CNTN5: variants seen among roughly 807,000 people sequenced by gnomAD.
The protein encoded by CNTN5 is contactin 5.
CNTN5 carries 77 observed loss-of-function variants against 129.1 expected under a neutral mutation model. That is an observed-to-expected ratio of 0.60 (90% CI 0.50 to 0.72). The LOEUF is 0.72. Ranked by LOEUF, CNTN5 falls within the 30% of genes least tolerant of loss-of-function variation. The pLI, the probability that CNTN5 is intolerant of heterozygous loss-of-function variation, is 0.00. For missense variants in CNTN5, 1,478 were observed against 1,328.8 expected, an observed-to-expected ratio of 1.11 and a Z score of -1.75; for synonymous variants, 509 against 465.6, an observed-to-expected ratio of 1.09 and a Z score of -1.20.
intron 13 of CNTN5, among the ~76,000 whole-genome samples, chr11:100,128,124 A>G (rs1168634467): frequency 6.6e-6 from 1 of 152,040 alleles, no homozygotes; most frequent in Non-Finnish European, 1.5e-5. Context: ...CTTAGCCCCA[A>G]ACTCATATAT....
intron 2 of CNTN5, among the ~76,000 whole-genome samples, chr11:99,532,933 CCAATTGGGG>C (rs1947767668): frequency 6.6e-6 from 1 of 152,164 alleles, no homozygotes. Context: ...TCCTTAAATA[CCAATTGGGG>C]CTGGGCACGG....
intron 3 of CNTN5, among the ~76,000 whole-genome samples, chr11:99,702,973 A>T (rs879051209): frequency 6.6e-6 from 1 of 150,952 alleles, no homozygotes; most frequent in Admixed American, 6.6e-5. Flanking sequence ...TAAAATAAAG[A>T]TACTTCGATA....
At chr11:99,938,973 C>G (rs1426730263) in intron 7 of CNTN5, among the ~76,000 whole-genome samples, 2 of 152,034 alleles carry the variant, frequency 1.3e-5, no homozygotes, top group Non-Finnish European at 2.9e-5. Flanking sequence ...ATTATGAGGT[C>G]TTACAATTTA....
chr11:99,180,161 A>T (rs1203589950), intron 1 of CNTN5, among the ~76,000 whole-genome samples: 3 of 152,236 alleles, frequency 2.0e-5, no homozygotes, highest in Non-Finnish European at 4.4e-5. Context: ...TGTAATGAGC[A>T]AATGATATAA....
At chr11:99,273,266 G>T (rs1009505686) in intron 1 of CNTN5, among the ~76,000 whole-genome samples, 1 of 151,716 alleles carries the variant, frequency 6.6e-6, no homozygotes, top group African/African-American at 2.4e-5. Context: ...TCTCATTCAT[G>T]TACATTAACG....
At chr11:99,649,880 AT>A (rs1013928125) in intron 3 of CNTN5, among the ~76,000 whole-genome samples, 4 of 151,668 alleles carry the variant, frequency 2.6e-5, no homozygotes, top group African/African-American at 9.7e-5. Flanking sequence ...AATTGTTTGT[AT>A]TTTCAACCTT....
intron 3 of CNTN5, among the ~76,000 whole-genome samples, chr11:99,612,353 T>C (rs958438765): frequency 2.0e-5 from 3 of 152,180 alleles, no homozygotes; most frequent in Non-Finnish European, 2.9e-5. Context: ...TTATCACCTG[T>C]GGATCTAAGG....
chr11:99,918,694 T>C (rs1446785021), intron 7 of CNTN5, among the ~76,000 whole-genome samples: 1 of 152,190 alleles, frequency 6.6e-6, no homozygotes, highest in Non-Finnish European at 1.5e-5. Flanking sequence ...CATAGTGTAC[T>C]ATAGTAGAGT....
At chr11:99,338,940 A>G (rs11219464) in intron 2 of CNTN5, among the ~76,000 whole-genome samples, 2 of 126,980 alleles carry the variant, frequency 1.6e-5, no homozygotes, top group Admixed American at 1.6e-4. Context: ...ATATATATAT[A>G]TATATATCTG....
rs541748107 is a variant in CNTN5, at chr11:99,480,968, G to T, written c.-70-75177G>T. Among the ~76,000 whole-genome samples, 20 of 152,220 alleles carry T rather than the reference G, an allele frequency of 1.3e-4. 1 individual carries two copies. In the South Asian group the frequency reaches 4.1e-3, roughly 32 times the overall value. The stretch of plus-strand genomic sequence containing the variant: ...TCTAAGATAACCACGAAATTCACTT[G>T]CATATGTCCTTGAAACTTTTGAGAA... On this transcript the variant is annotated intron_variant, in intron 2 of 24. Transcript: ENST00000524871.
intron 1 of CNTN5, among the ~76,000 whole-genome samples, chr11:99,279,857 G>A (rs1016390706): frequency 4.0e-5 from 6 of 151,530 alleles, no homozygotes; most frequent in Non-Finnish European, 2.9e-5. Flanking sequence ...GTAATTACAG[G>A]TGGCTCGGTG....
chr11:99,375,185 C>A (rs61035712), intron 2 of CNTN5, among the ~76,000 whole-genome samples: 17,990 of 151,368 alleles, frequency 0.12, 2,008 homozygotes, highest in African/African-American at 0.29. Context: ...TGCCTGTGAT[C>A]CCAGCTACTC....
At chr11:99,870,463 C>T (rs1218583158) in intron 6 of CNTN5, among the ~76,000 whole-genome samples, 1 of 151,928 alleles carries the variant, frequency 6.6e-6, no homozygotes, top group African/African-American at 2.4e-5. Flanking sequence ...ATTTTTATGT[C>T]ATAACTAGAC....
At chr11:99,472,880 T>G (rs1463556140) in intron 2 of CNTN5, among the ~76,000 whole-genome samples, 1 of 152,136 alleles carries the variant, frequency 6.6e-6, no homozygotes, top group Non-Finnish European at 1.5e-5. Context: ...AGAAAATCAT[T>G]TTCTATGGCA....
intron 6 of CNTN5, among the ~76,000 whole-genome samples, chr11:99,854,354 A>G (rs1024075450): frequency 2.0e-5 from 3 of 152,220 alleles, no homozygotes; most frequent in African/African-American, 7.2e-5. Context: ...CCCTACGGGT[A>G]TACAGAGGAC....
At chr11:99,187,032 GA>G (rs1458972243) in intron 1 of CNTN5, among the ~76,000 whole-genome samples, 1 of 151,880 alleles carries the variant, frequency 6.6e-6, no homozygotes, top group East Asian at 1.9e-4. Flanking sequence ...AGTGTTAATG[GA>G]GGAATTCCCA....
intron 8 of CNTN5, among the ~76,000 whole-genome samples, chr11:99,982,189 C>G (rs1311495206): frequency 1.3e-5 from 2 of 152,082 alleles, no homozygotes; most frequent in African/African-American, 4.8e-5. Flanking sequence ...AGAAGATAGT[C>G]TGAACAGAGC....
At chr11:100,230,986 G>A (rs545462050) in intron 16 of CNTN5, among the ~76,000 whole-genome samples, 2 of 152,276 alleles carry the variant, frequency 1.3e-5, no homozygotes, top group East Asian at 3.9e-4. Flanking sequence ...CTTCACATCT[G>A]TGTAAGTTTG....
Position 100,299,382 on chromosome 11 carries a change from G to C in CNTN5, c.2606G>C (p.Cys869Ser), listed in dbSNP as rs747923950. ...CCTTTTAGTCAAATTGTGGTCATCT[G>C]TTCAGCTGAAGGAGGTCAGTTTTTT... ...DGPFSQIVVICSAEGEPSAAP... is the reference protein window; with the variant it reads ...DGPFSQIVVISSAEGEPSAAP... The change falls in exon 20 of 25, where the codon TGT (cysteine) becomes TCT (serine). Residue 869 changes from cysteine (C) to serine (S), a missense_variant. Transcript: ENST00000524871. 8.7e-6 allele frequency: 14 copies of C among 1,604,264 alleles called. No homozygotes were observed. In the African/African-American group the frequency reaches 1.6e-4, roughly 18 times the overall value.
Sources: gnomAD v4.1 joint callset for allele counts (sites outside exome capture counted in the v4.1 genomes callset) on GRCh38, gnomAD v4.1.1 for gene constraint, MANE v1.5 for transcripts, NCBI Gene and HGNC (gene_info 2026-07-23, HGNC 2026-07-21) for gene names.